Variants in G2E3 observed in about 807,000 individuals in gnomAD.
G2E3 encodes the protein G2/M-phase specific E3 ubiquitin protein ligase, also known as G2/M phase-specific E3 ubiquitin-protein ligase.
G2E3 carries 35 observed loss-of-function variants against 92.8 expected under a neutral mutation model. The observed-to-expected ratio is 0.38, with a 90% confidence interval of 0.29 to 0.50. G2E3 has a LOEUF of 0.50. Ranked by LOEUF, G2E3 falls within the 20% of genes least tolerant of loss-of-function variation. G2E3 has a pLI of 0.94. For synonymous variants in G2E3, 242 were observed against 272.4 expected, an observed-to-expected ratio of 0.89 and a Z score of 1.10; for missense variants, 554 against 823.8, an observed-to-expected ratio of 0.67 and a Z score of 4.01.
intron 1 of G2E3, among the ~76,000 whole-genome samples, chr14:30,572,406 T>G (rs925011042): frequency 1.3e-5 from 2 of 152,156 alleles, no homozygotes; most frequent in African/African-American, 4.8e-5. Context: ...TGCTTTACAG[T>G]TTTGTTATGA....
At chr14:30,562,573 G>A (rs1382940309) in intron 1 of G2E3, among the ~76,000 whole-genome samples, 8 of 151,892 alleles carry the variant, frequency 5.3e-5, no homozygotes, top group Admixed American at 2.0e-4. Flanking sequence ...AAAAACACCC[G>A]CTACTTAGCA....
intron 1 of G2E3, among the ~76,000 whole-genome samples, chr14:30,577,223 C>CAAAAAAAAAAAAA (rs59757142): frequency 3.7e-5 from 3 of 80,776 alleles, no homozygotes; most frequent in Admixed American, 1.5e-4. Flanking sequence ...GACTCTGTCT[C>CAAAAAAAAAAAAA]AAAAAAAAAA....
At chr14:30,608,272 T>A (rs1450920257) in intron 12 of G2E3, among the ~76,000 whole-genome samples, 1 of 152,188 alleles carries the variant, frequency 6.6e-6, no homozygotes, top group Non-Finnish European at 1.5e-5. Context: ...GTGCCACGTT[T>A]AATGTTGGTA....
intron 6 of G2E3, among the ~76,000 whole-genome samples, chr14:30,595,598 T>A (rs1029141357): frequency 1.3e-5 from 2 of 152,214 alleles, no homozygotes; most frequent in Non-Finnish European, 2.9e-5. Flanking sequence ...CATGGACACC[T>A]GTCTATGATG....
intron 13 of G2E3, 130 bp from the exon 14 acceptor site, chr14:30,615,219 G>T (rs930448123): frequency 1.8e-6 from 1 of 543,146 alleles, no homozygotes. Context: ...TCTTGTGGGG[G>T]TTTTTTGGTT....
chr14:30,605,873 T>G lies in G2E3; in HGVS notation c.1318+61T>G, dbSNP rs1397737978. 7 of 841,760 alleles carry G rather than the reference T, an allele frequency of 8.3e-6. No homozygotes were observed. In the Admixed American group the frequency reaches 2.1e-4, roughly 26 times the overall value. The allele number at this position is 841,760 out of a possible 1,614,324, so 52.1% of individuals were successfully genotyped here. On this transcript the variant is annotated intron_variant, in intron 11 of 14. Coordinates refer to ENST00000206595, the MANE Select transcript of G2E3 (RefSeq NM_017769.5). ...TCACATGTATAGAAAAAGAGATAGA[T>G]AGCTGGTTAGAATTGATATTTAATA...
intron 3 of G2E3, among the ~76,000 whole-genome samples, chr14:30,588,573 ATAT>A (rs950660665): frequency 6.6e-6 from 1 of 152,186 alleles, no homozygotes; most frequent in Non-Finnish European, 1.5e-5. Context: ...AACCCTTTTA[ATAT>A]TCTATTTCAT....
chr14:30,598,300 T>C, intron 7 of G2E3, 183 bp from the exon 8 acceptor site: 2 of 455,226 alleles, frequency 4.4e-6, no homozygotes, highest in Non-Finnish European at 8.1e-6. Context: ...GCAGGGAGAA[T>C]CGCTTGAACC....
At chr14:30,608,953 A>G (rs960038432) in intron 12 of G2E3, among the ~76,000 whole-genome samples, 1 of 152,154 alleles carries the variant, frequency 6.6e-6, no homozygotes, top group African/African-American at 2.4e-5. Flanking sequence ...CTGCACTCCA[A>G]CCTGGGCAAC....
intron 1 of G2E3, among the ~76,000 whole-genome samples, chr14:30,573,877 G>T (rs1198006430): frequency 6.6e-6 from 1 of 152,012 alleles, no homozygotes; most frequent in Non-Finnish European, 1.5e-5. Context: ...CAGATATCTG[G>T]GCGTCCTGTG....
chr14:30,571,176 C>CTT lies in G2E3; in HGVS notation c.-4-9889_-4-9888dup, dbSNP rs11451039. Among the ~76,000 whole-genome samples, 442 of 137,918 alleles carry CTT rather than the reference C, an allele frequency of 3.2e-3. 2 individuals are homozygous for CTT. Among genetic ancestry groups the CTT allele is most frequent in the South Asian group, 0.018 (80 of 4,374 alleles). 90.5% of individuals were successfully genotyped at this position (137,918 alleles called of 152,430 possible). Reference sequence around the variant, plus strand: ...TCTTGTGGGTGCTGTAGTGGGTTTGCTTTTTTTTTTTTGCTATTTTAATGT... The same window carrying CTT: ...TCTTGTGGGTGCTGTAGTGGGTTTGCTTTTTTTTTTTTTTGCTATTTTAATGT... On this transcript the variant is annotated intron_variant, in intron 1 of 14. Coordinates refer to ENST00000206595, the MANE Select transcript of G2E3 (RefSeq NM_017769.5).
intron 2 of G2E3, among the ~76,000 whole-genome samples, chr14:30,584,855 G>T (rs1880620155): frequency 8.1e-6 from 1 of 124,136 alleles, no homozygotes; most frequent in Non-Finnish European, 1.6e-5. Flanking sequence ...TTGAGACGGA[G>T]TCTTGCTCTG....
intron 12 of G2E3, 40 bp downstream of exon 12, chr14:30,608,109 C>A: frequency 2.6e-6 from 3 of 1,139,936 alleles, no homozygotes; most frequent in South Asian, 1.7e-5. Context: ...ACACTACATT[C>A]TAGGTATCTT....
intron 10 of G2E3, among the ~76,000 whole-genome samples, chr14:30,604,317 A>C (rs2138889856): frequency 1.3e-5 from 2 of 152,394 alleles, no homozygotes; most frequent in Admixed American, 1.3e-4. Flanking sequence ...AACCTGGCCT[A>C]CACTAGGGCA....
At chr14:30,603,836 C>T (rs930524709) in intron 10 of G2E3, among the ~76,000 whole-genome samples, 2 of 152,162 alleles carry the variant, frequency 1.3e-5, no homozygotes, top group African/African-American at 4.8e-5. Flanking sequence ...ACAGCAAGAC[C>T]TTGTCTCTAA....
intron 4 of G2E3, chr14:30,591,017 A>C (rs569382756): frequency 5.3e-6 from 1 of 190,086 alleles, no homozygotes; most frequent in African/African-American, 2.4e-5. Flanking sequence ...TCATGTTGGC[A>C]CTCAGAAAGT....
intron 1 of G2E3, chr14:30,560,578 C>T (rs1055078381): frequency 9.5e-6 from 5 of 526,706 alleles, no homozygotes; most frequent in African/African-American, 7.7e-5. Context: ...CTTCTCTAAG[C>T]CTTTCTGCTC....
chr14:30,592,220 A>G, intron 4 of G2E3, 103 bp from the exon 5 acceptor site: 1 of 1,030,908 alleles, frequency 9.7e-7, no homozygotes. Context: ...ACATGATGAA[A>G]TAATTTTCAG....
chr14:30,584,437 T>A (rs1880596461), intron 2 of G2E3, among the ~76,000 whole-genome samples: 1 of 152,222 alleles, frequency 6.6e-6, no homozygotes, highest in Non-Finnish European at 1.5e-5. Context: ...TTGTTTAAAT[T>A]TTGAAGAACT....
Sources: gnomAD v4.1 joint callset for allele counts (sites outside exome capture counted in the v4.1 genomes callset) on GRCh38, gnomAD v4.1.1 for gene constraint, MANE v1.5 for transcripts, NCBI Gene and HGNC (gene_info 2026-07-23, HGNC 2026-07-21) for gene names.